The following ARMC3 variants were observed in gnomAD, a reference collection of about 807,000 sequenced individuals.
ARMC3 encodes armadillo repeat-containing protein 3.
Under a neutral mutation model 90.3 loss-of-function variants are expected in ARMC3, and 74 were observed. The ratio of observed to expected loss-of-function variants is 0.82; its 90% confidence interval spans 0.68 to 0.99. The LOEUF is 0.99. Ranked by LOEUF, ARMC3 falls within the 50% of genes least tolerant of loss-of-function variation. The pLI, the probability that ARMC3 is intolerant of heterozygous loss-of-function variation, is 0.00. For synonymous variants in ARMC3, 334 were observed against 361.8 expected (o/e 0.92, Z 0.87); for missense variants, 958 against 1,042.8 (o/e 0.92, Z 1.12).
At chr10:22,956,421 G>T (rs193248654) in intron 4 of ARMC3, among the ~76,000 whole-genome samples, 1 of 152,100 alleles carries the variant, frequency 6.6e-6, no homozygotes, top group Non-Finnish European at 1.5e-5. Context: ...TGGCCAAAAT[G>T]GTGAAACCCC....
chr10:22,962,717 G>A (rs1835253461), intron 7 of ARMC3, among the ~76,000 whole-genome samples: 1 of 152,136 alleles, frequency 6.6e-6, no homozygotes, highest in Admixed American at 6.5e-5. Flanking sequence ...AAATTCCAGA[G>A]ATAGGAACAT....
chr10:22,983,233 G>A, intron 10 of ARMC3, among the ~76,000 whole-genome samples: 1 of 152,088 alleles, frequency 6.6e-6, no homozygotes, highest in East Asian at 1.9e-4. Flanking sequence ...GTGTATAGGT[G>A]TCTTGATTTG....
intron 1 of ARMC3, among the ~76,000 whole-genome samples, chr10:22,928,729 G>C (rs1439177744): frequency 6.6e-6 from 1 of 152,170 alleles, no homozygotes; most frequent in African/African-American, 2.4e-5. Flanking sequence ...TCAACAATCA[G>C]AGACTGGCTA....
rs777193235 is a variant in ARMC3, at chr10:23,033,144, TA to T, written c.2409+122del. 308 of 907,914 alleles carry T rather than the reference TA, an allele frequency of 3.4e-4. 1 individual carries two copies. Among genetic ancestry groups the T allele is most frequent in the Middle Eastern group, 3.1e-3 (11 of 3,606 alleles). The allele number at this position is 907,914 out of a possible 1,614,324, so 56.2% of individuals were successfully genotyped here. On this transcript the variant is annotated intron_variant, in intron 18 of 18. Coordinates refer to ENST00000298032, the MANE Select transcript of ARMC3 (RefSeq NM_173081.5). ...ATTAATTCTACCATTTAGATTTATT[TA>T]TATCTACATATAAGTGTATATATAC... is the stretch of plus-strand genomic sequence containing the variant.
intron 7 of ARMC3, among the ~76,000 whole-genome samples, chr10:22,963,934 A>ACC (rs1835332266): frequency 8.3e-6 from 1 of 120,482 alleles, no homozygotes; most frequent in Non-Finnish European, 1.7e-5. Flanking sequence ...AAAAAAAAAA[A>ACC]AAAAAAAAAA....
intron 10 of ARMC3, among the ~76,000 whole-genome samples, chr10:22,994,481 T>C (rs920345106): frequency 3.3e-5 from 5 of 152,134 alleles, no homozygotes; most frequent in Admixed American, 6.6e-5. Flanking sequence ...CAGGATTGCT[T>C]GAGGCCAGAA....
At chr10:23,011,217 A>G (rs1838000083) in intron 16 of ARMC3, among the ~76,000 whole-genome samples, 1 of 152,084 alleles carries the variant, frequency 6.6e-6, no homozygotes, top group Admixed American at 6.6e-5. Context: ...ACTCATAGGC[A>G]TTCACATTTA....
At chr10:22,973,785 A>C (rs1287858718) in intron 8 of ARMC3, among the ~76,000 whole-genome samples, 3 of 124,182 alleles carry the variant, frequency 2.4e-5, no homozygotes, top group Non-Finnish European at 3.3e-5. Context: ...TTGAGACAGA[A>C]TCTCGCTCTG....
At chr10:23,001,831 T>C in intron 11 of ARMC3, 88 bp from the exon 12 acceptor site, 1 of 1,424,106 alleles carries the variant, frequency 7.0e-7, no homozygotes, top group Non-Finnish European at 9.5e-7. Flanking sequence ...TTAAAACCTT[T>C]TAGCAATCAA....
chr10:22,968,586 A>G (rs12358422), intron 8 of ARMC3, 97 bp downstream of exon 8: 97,218 of 1,116,848 alleles, frequency 0.087, 4,713 homozygotes, highest in Non-Finnish European at 0.1. Flanking sequence ...TGCAGCCTCA[A>G]CCTCCCCAGG....
At chr10:22,962,221 A>T in intron 7 of ARMC3, 143 bp downstream of exon 7, 1 of 555,416 alleles carries the variant, frequency 1.8e-6, no homozygotes, top group Non-Finnish European at 2.8e-6. Flanking sequence ...TGGCCTGCTT[A>T]AATCAGGCTA....
At chr10:23,025,370 T>C (rs1234675072) in intron 16 of ARMC3, among the ~76,000 whole-genome samples, 2 of 152,068 alleles carry the variant, frequency 1.3e-5, no homozygotes, top group Admixed American at 1.3e-4. Context: ...TCAGGAAATT[T>C]AAAATACTTG....
chr10:22,946,108 A>T, intron 2 of ARMC3, 36 bp from the exon 3 acceptor site: 1 of 1,388,796 alleles, frequency 7.2e-7, no homozygotes. Context: ...TTTAAAGCTC[A>T]TATGTGAAAC....
intron 4 of ARMC3, among the ~76,000 whole-genome samples, chr10:22,958,088 T>C (rs1157731621): frequency 6.6e-6 from 1 of 152,054 alleles, no homozygotes; most frequent in East Asian, 1.9e-4. Context: ...CACAAACCTT[T>C]GTAATATGTC....
At chr10:23,002,564 TTCTTTCTTTCTTTCTTTCTTTTTC>T (rs1459009793) in intron 12 of ARMC3, among the ~76,000 whole-genome samples, 5 of 135,980 alleles carry the variant, frequency 3.7e-5, no homozygotes, top group African/African-American at 1.8e-4. Context: ...CTTTCTTTCT[TTCTTTCTTTCTTTCTTTCTTTTTC>T]TTTCTTTTCT....
At chr10:22,965,373 C>T (rs1457145474) in intron 7 of ARMC3, among the ~76,000 whole-genome samples, 1 of 152,124 alleles carries the variant, frequency 6.6e-6, no homozygotes, top group Non-Finnish European at 1.5e-5. Flanking sequence ...TTTTAAATTT[C>T]TTCTGAATGC....
In ARMC3 at chr10:23,008,807, A is replaced by G; in HGVS notation, c.1929-8A>G. The G allele has an allele frequency of 6.2e-7, 1 of 1,602,922 alleles. No homozygotes were observed. Among genetic ancestry groups the G allele is most frequent in the Non-Finnish European group, 8.5e-7 (1 of 1,172,508 alleles). The stretch of plus-strand genomic sequence containing the variant: ...GAAATTGGTTGTGGTTTTTTTTCAA[A>G]TGACAAGAAAAAATAGTTATCATTT... On this transcript the variant is annotated splice_region_variant and splice_polypyrimidine_tract_variant and intron_variant, in intron 15 of 18. Coordinates refer to ENST00000298032, the MANE Select transcript of ARMC3 (RefSeq NM_173081.5).
chr10:23,021,469 C>G (rs1296938984), intron 16 of ARMC3, among the ~76,000 whole-genome samples: 2 of 152,182 alleles, frequency 1.3e-5, no homozygotes, highest in African/African-American at 4.8e-5. Flanking sequence ...ACCTTGCCAA[C>G]ATCTGTTAAT....
intron 7 of ARMC3, among the ~76,000 whole-genome samples, chr10:22,966,982 G>A (rs945018664): frequency 2.6e-5 from 4 of 151,540 alleles, no homozygotes; most frequent in African/African-American, 9.7e-5. Context: ...CCATATCAAT[G>A]GGTGTGTGTT....
Sources: allele counts gnomAD v4.1 joint callset (sites outside exome capture counted in the v4.1 genomes callset), GRCh38; gene constraint gnomAD v4.1.1; transcripts MANE v1.5; gene names NCBI Gene and HGNC (gene_info 2026-07-23, HGNC 2026-07-21).